Variants in THRB observed in about 807,000 individuals in gnomAD.
The protein encoded by THRB is thyroid hormone receptor beta.
Under a neutral mutation model 47.8 loss-of-function variants are expected in THRB, and 12 were observed. The ratio of observed to expected loss-of-function variants is 0.25; its 90% CI spans 0.16 to 0.41. The LOEUF (loss-of-function observed/expected upper bound fraction) is 0.41, where lower values mean the gene tolerates loss of function less well. Ranked by LOEUF, THRB falls within the 10% of genes least tolerant of loss-of-function variation. The pLI, the probability that THRB is intolerant of heterozygous loss-of-function variation, is 1.00. For synonymous variants in THRB, 218 were observed against 212.2 expected, an observed-to-expected ratio of 1.03 and a Z score of -0.24; for missense variants, 348 against 589.2, an observed-to-expected ratio of 0.59 and a Z score of 4.24.
chr3:24,206,553 A>T (rs2045375238), intron 4 of THRB, among the ~76,000 whole-genome samples: 1 of 152,228 alleles, frequency 6.6e-6, no homozygotes, highest in African/African-American at 2.4e-5. Flanking sequence ...AAAGCAGGAA[A>T]GATCTAAAAT....
chr3:24,364,734 G>A (rs529507143), intron 1 of THRB, among the ~76,000 whole-genome samples: 34 of 151,832 alleles, frequency 2.2e-4, no homozygotes, highest in South Asian at 1.3e-3. Context: ...AAAATTACAG[G>A]GATAAAAATA....
At chr3:24,188,116 C>G (rs1035720947) in intron 5 of THRB, among the ~76,000 whole-genome samples, 4 of 152,316 alleles carry the variant, frequency 2.6e-5, no homozygotes, top group Admixed American at 6.5e-5. Flanking sequence ...AAATTATCAA[C>G]TCTAACGTCC....
At chr3:24,289,102 T>C (rs1414096343) in intron 3 of THRB, among the ~76,000 whole-genome samples, 1 of 152,132 alleles carries the variant, frequency 6.6e-6, no homozygotes, top group Non-Finnish European at 1.5e-5. Flanking sequence ...GTGTGGGGTT[T>C]CAAGCCAGAG....
intron 1 of THRB, among the ~76,000 whole-genome samples, chr3:24,398,058 A>G (rs1372230765): frequency 2.0e-5 from 3 of 152,148 alleles, no homozygotes; most frequent in African/African-American, 7.2e-5. Context: ...TTATACTATA[A>G]CTGCTTATGT....
intron 1 of THRB, among the ~76,000 whole-genome samples, chr3:24,430,457 A>G (rs547504473): frequency 2.4e-4 from 36 of 152,208 alleles, no homozygotes; most frequent in African/African-American, 8.2e-4. Context: ...CTCATGCCAT[A>G]TAACACAAGA....
At chr3:24,336,143 A>G (rs893415396) in intron 2 of THRB, among the ~76,000 whole-genome samples, 6 of 152,240 alleles carry the variant, frequency 3.9e-5, no homozygotes, top group Admixed American at 3.3e-4. Context: ...AATTACAAAT[A>G]GTGTTTTTTG....
chr3:24,231,408 TAA>T (rs2048250837), intron 3 of THRB, among the ~76,000 whole-genome samples: 1 of 152,128 alleles, frequency 6.6e-6, no homozygotes, highest in African/African-American at 2.4e-5. Flanking sequence ...TAATTCTATA[TAA>T]GACTTTAAAA....
intron 5 of THRB, among the ~76,000 whole-genome samples, chr3:24,187,144 G>A (rs530217228): frequency 6.6e-6 from 1 of 152,220 alleles, no homozygotes; most frequent in East Asian, 1.9e-4. Flanking sequence ...CAAACCACAT[G>A]TGACTGACCA....
At chr3:24,193,618 G>A (rs1036621620) in intron 4 of THRB, among the ~76,000 whole-genome samples, 4 of 151,982 alleles carry the variant, frequency 2.6e-5, no homozygotes, top group African/African-American at 9.7e-5. Flanking sequence ...TAGATTGCAG[G>A]TATGGATGTA....
intron 7 of THRB, 43 bp from the exon 8 acceptor site, chr3:24,143,749 C>T: frequency 6.3e-7 from 1 of 1,597,446 alleles, no homozygotes. Context: ...CAGATGCTCC[C>T]AAGATACACA....
chr3:24,357,368 A>AAAAC (rs2063753412), intron 1 of THRB, among the ~76,000 whole-genome samples: 1 of 145,576 alleles, frequency 6.9e-6, no homozygotes, highest in Non-Finnish European at 1.5e-5. Context: ...AAAAAAAAAA[A>AAAAC]AAAAAACAAA....
At chr3:24,276,343 G>A (rs2053913179) in intron 3 of THRB, among the ~76,000 whole-genome samples, 1 of 152,052 alleles carries the variant, frequency 6.6e-6, no homozygotes, top group South Asian at 2.1e-4. Flanking sequence ...TAACTTAATC[G>A]TGAATGCATT....
At chr3:24,471,992 C>T (rs1388285567) in intron 1 of THRB, among the ~76,000 whole-genome samples, 2 of 152,164 alleles carry the variant, frequency 1.3e-5, no homozygotes, top group Admixed American at 1.3e-4. Flanking sequence ...AACCTTCAGA[C>T]CAAAGGCATA....
At chr3:24,212,212 C>T (rs939459619) in intron 4 of THRB, among the ~76,000 whole-genome samples, 33 of 152,200 alleles carry the variant, frequency 2.2e-4, no homozygotes, top group African/African-American at 6.7e-4. Flanking sequence ...GCCTGGTCAA[C>T]ATAATGAAAC....
At chr3:24,125,780 G>T (rs2148814775) in intron 10 of THRB, among the ~76,000 whole-genome samples, 1 of 152,274 alleles carries the variant, frequency 6.6e-6, no homozygotes, top group Admixed American at 6.5e-5. Context: ...CTGCCAGCAA[G>T]AGGGAATCTT....
At chr3:24,123,268 G>A in intron 10 of THRB, 143 bp from the exon 11 acceptor site, 1 of 1,162,644 alleles carries the variant, frequency 8.6e-7, no homozygotes, top group Non-Finnish European at 1.3e-6. Flanking sequence ...CGTGAACTCT[G>A]GTGCTCCAGG....
intron 2 of THRB, among the ~76,000 whole-genome samples, chr3:24,307,388 T>C (rs1458308720): frequency 2.6e-5 from 4 of 152,158 alleles, no homozygotes; most frequent in African/African-American, 9.7e-5. Flanking sequence ...TTTTTATGCA[T>C]CTGTTTTTTA....
chr3:24,474,520 T>TA (rs774780687), intron 1 of THRB, among the ~76,000 whole-genome samples: 25 of 152,294 alleles, frequency 1.6e-4, no homozygotes, highest in Non-Finnish European at 3.1e-4. Flanking sequence ...GGAGTTGGCA[T>TA]AAAACTATTT....
rs192415656 is a variant in THRB, at chr3:24,209,037, C to A, written c.23-18703G>T. Among the ~76,000 whole-genome samples, 296 of 152,334 alleles carry A rather than the reference C, an allele frequency of 1.9e-3. 1 individual carries two copies. Among genetic ancestry groups the A allele is most frequent in the African/African-American group, 6.9e-3 (286 of 41,566 alleles). ...AAAGTGGTTGAAGGATATGAACAGA[C>A]TCTTCTCAAAAGAAGACATTTTTGC... On this transcript the variant is annotated intron_variant, in intron 4 of 10. Coordinates refer to ENST00000646209, the MANE Select transcript of THRB (RefSeq NM_001354712.2).
Sources: allele counts gnomAD v4.1 joint callset (sites outside exome capture counted in the v4.1 genomes callset), GRCh38; gene constraint gnomAD v4.1.1; transcripts MANE v1.5; gene names NCBI Gene and HGNC (gene_info 2026-07-23, HGNC 2026-07-21).